PEX7: variants seen among roughly 807,000 people sequenced by gnomAD.
The protein encoded by PEX7 is PTS2 receptor.
Under a neutral mutation model 47.5 loss-of-function variants are expected in PEX7, and 34 were observed. The observed-to-expected ratio is 0.72, with a 90% CI of 0.54 to 0.95. The LOEUF is 0.95. Among genes scored for constraint, PEX7 ranks in the 40% least tolerant of loss-of-function variants. The pLI, the probability that PEX7 is intolerant of heterozygous loss-of-function variation, is 0.00. For missense variants in PEX7, 394 were observed against 400.3 expected (o/e 0.98, Z 0.13); for synonymous variants, 141 against 148.8 (o/e 0.95, Z 0.38).
intron 5 of PEX7, among the ~76,000 whole-genome samples, chr6:136,858,425 C>T (rs766760858): frequency 9.2e-5 from 14 of 152,210 alleles, no homozygotes; most frequent in East Asian, 5.8e-4. Context: ...TCTAGGTAGA[C>T]GCTGGAAAGC....
chr6:136,902,087 G>A (rs1249428134), intron 9 of PEX7, among the ~76,000 whole-genome samples: 2 of 152,168 alleles, frequency 1.3e-5, no homozygotes, highest in African/African-American at 4.8e-5. Context: ...GCCCAGCCAA[G>A]TTATTTTTAA....
chr6:136,902,567 G>A (rs759157533), intron 9 of PEX7, among the ~76,000 whole-genome samples: 129 of 151,906 alleles, frequency 8.5e-4, no homozygotes, highest in Non-Finnish European at 1.0e-3. Flanking sequence ...TGAAGGCATC[G>A]TTTTCTTTGA....
chr6:136,898,128 A>G lies in PEX7; in HGVS notation c.804-14A>G, dbSNP rs187350234. 8.1e-6 allele frequency: 12 copies of G among 1,485,434 alleles called. No homozygotes were observed. The highest frequency in any genetic ancestry group is 1.1e-5 in the Non-Finnish European group (12 of 1,062,914). The allele number at this position is 1,485,434 out of a possible 1,614,324, so 92.0% of individuals were successfully genotyped here. Reference sequence around the variant, plus strand: ...TTTAGCATTTAAATTATTCCCTTTTATTTATCTTCACAGATTCTGGAACTT... The same window carrying G: ...TTTAGCATTTAAATTATTCCCTTTTGTTTATCTTCACAGATTCTGGAACTT... On this transcript the variant is annotated splice_polypyrimidine_tract_variant and intron_variant, in intron 8 of 9. Coordinates refer to ENST00000318471, the MANE Select transcript of PEX7 (RefSeq NM_000288.4).
At chr6:136,843,721 C>G (rs577644442) in intron 3 of PEX7, among the ~76,000 whole-genome samples, 19 of 152,298 alleles carry the variant, frequency 1.2e-4, no homozygotes, top group African/African-American at 3.8e-4. Context: ...CCATAACTAA[C>G]AGATGGCCAC....
At chr6:136,840,242 A>C (rs1047852428) in intron 3 of PEX7, among the ~76,000 whole-genome samples, 2 of 152,196 alleles carry the variant, frequency 1.3e-5, no homozygotes, top group African/African-American at 4.8e-5. Context: ...TAGCTTAAGA[A>C]ATGAAACATT....
At chr6:136,863,737 G>C (rs1461672374) in intron 5 of PEX7, among the ~76,000 whole-genome samples, 1 of 151,950 alleles carries the variant, frequency 6.6e-6, no homozygotes, top group East Asian at 1.9e-4. Flanking sequence ...GCAAAACCCC[G>C]TCTCTGCCAA....
chr6:136,910,213 A>G (rs968263284), intron 9 of PEX7, among the ~76,000 whole-genome samples: 1 of 152,220 alleles, frequency 6.6e-6, no homozygotes, highest in African/African-American at 2.4e-5. Context: ...TTGAGCCAAT[A>G]TTCATTGAGT....
At chr6:136,848,205 G>A (rs568400125) in intron 5 of PEX7, among the ~76,000 whole-genome samples, 3 of 152,316 alleles carry the variant, frequency 2.0e-5, no homozygotes, top group African/African-American at 7.2e-5. Flanking sequence ...TGTATCCTGA[G>A]ACTTTGCTGA....
intron 8 of PEX7, among the ~76,000 whole-genome samples, chr6:136,879,321 A>G (rs1366800522): frequency 6.6e-6 from 1 of 152,200 alleles, no homozygotes; most frequent in Admixed American, 6.5e-5. Flanking sequence ...TGGGCATAGA[A>G]TTCTCATGAA....
At chr6:136,880,482 T>G (rs1490492586) in intron 8 of PEX7, among the ~76,000 whole-genome samples, 1 of 152,190 alleles carries the variant, frequency 6.6e-6, no homozygotes, top group East Asian at 1.9e-4. Flanking sequence ...TACCATTCAG[T>G]GTTCCCCACA....
intron 8 of PEX7, among the ~76,000 whole-genome samples, chr6:136,875,970 T>C (rs1048277856): frequency 1.3e-5 from 2 of 152,116 alleles, no homozygotes; most frequent in South Asian, 2.1e-4. Flanking sequence ...TTTCATACTG[T>C]GTTTACTTTC....
At chr6:136,825,954 G>C (rs893551066) in intron 2 of PEX7, among the ~76,000 whole-genome samples, 1 of 152,132 alleles carries the variant, frequency 6.6e-6, no homozygotes, top group Non-Finnish European at 1.5e-5. Context: ...CTCCAGCCTG[G>C]ATGACAGAAC....
At chr6:136,911,340 T>C (rs1775929193) in intron 9 of PEX7, among the ~76,000 whole-genome samples, 1 of 152,208 alleles carries the variant, frequency 6.6e-6, no homozygotes, top group Non-Finnish European at 1.5e-5. Context: ...TTTGTTTTGC[T>C]GAGCACATGC....
At position 136,822,663 on chromosome 6, in the gene PEX7, G is replaced by T; in HGVS notation, c.-3G>T. ...GCAGCGAGGGCCGGGGGCGGCGGGC[G>T]GGATGAGTGCGGTGTGCGGTGGAGC... is the stretch of plus-strand genomic sequence containing the variant. On this transcript the variant is annotated 5_prime_UTR_variant, in exon 1 of 10. Transcript: ENST00000318471. 2 of 1,526,406 alleles carry T rather than the reference G, an allele frequency of 1.3e-6. No individual in the cohort carries two copies. Among genetic ancestry groups the T allele is most frequent in the Non-Finnish European group, 8.8e-7 (1 of 1,142,358 alleles). The allele number at this position is 1,526,406 out of a possible 1,614,324, so 94.6% of individuals were successfully genotyped here. A position where few individuals can be genotyped will look rare whatever the true frequency, so the allele number is the denominator to read the frequency against.
Position 136,861,661 on chromosome 6 carries a change from C to T in PEX7, c.527-4966C>T, listed in dbSNP as rs145378675. Among the ~76,000 whole-genome samples the T allele has an allele frequency of 2.6e-3, 400 of 151,724 alleles. 1 individual carries two copies. The highest frequency in any genetic ancestry group is 9.2e-3 in the African/African-American group (381 of 41,372). On this transcript the variant is annotated intron_variant, in intron 5 of 9. Coordinates refer to ENST00000318471, the MANE Select transcript of PEX7 (RefSeq NM_000288.4). ...TTATGATAAAGAGTGATTTCCTTTG[C>T]CTGCAAGTGATAGAACTGGGACTAT...
intron 2 of PEX7, among the ~76,000 whole-genome samples, chr6:136,826,098 A>G (rs1365524654): frequency 6.6e-6 from 1 of 152,206 alleles, no homozygotes; most frequent in Non-Finnish European, 1.5e-5. Flanking sequence ...TTGGACTACT[A>G]CATTCCACTG....
chr6:136,829,950 T>TAA (rs961823587), intron 3 of PEX7: 8 of 550,806 alleles, frequency 1.5e-5, no homozygotes, highest in East Asian at 3.5e-5. Flanking sequence ...AGAAAGTTAT[T>TAA]AAAAAAAAAA....
At chr6:136,880,037 GT>G (rs1203855094) in intron 8 of PEX7, among the ~76,000 whole-genome samples, 1 of 150,410 alleles carries the variant, frequency 6.6e-6, no homozygotes, top group Admixed American at 6.6e-5. Flanking sequence ...CAAGGGTTTT[GT>G]TGGTTTTTTT....
rs1236044185 is a variant in PEX7, at chr6:136,847,126, T to G, written c.526+945T>G. ...AGCATTTTTTCATGTGTCTGTTGGC[T>G]GCATAAATGTCTTCTTTTGAGAAGT... On this transcript the variant is annotated intron_variant, in intron 5 of 9. Coordinates refer to ENST00000318471, the MANE Select transcript of PEX7 (RefSeq NM_000288.4). 7.2e-5 allele frequency among the ~76,000 whole-genome samples: 11 copies of G among 152,230 alleles called. No homozygotes were observed. The East Asian group carries it at 2.1e-3, about 29-fold the overall frequency.
Sources: allele counts gnomAD v4.1 joint callset (sites outside exome capture counted in the v4.1 genomes callset), GRCh38; gene constraint gnomAD v4.1.1; transcripts MANE v1.5; gene names NCBI Gene and HGNC (gene_info 2026-07-23, HGNC 2026-07-21).